AKAP19: variants seen among roughly 807,000 people sequenced by gnomAD.
AKAP19 encodes the protein small A-kinase anchoring protein.
the AKAP19 span, among the ~76,000 whole-genome samples, chr2:190,073,065 G>GA: frequency 6.6e-6 from 1 of 151,972 alleles, no homozygotes; most frequent in Non-Finnish European, 1.5e-5. Flanking sequence ...TTTTTAAAGA[G>GA]AAAAAACACA....
the AKAP19 span, among the ~76,000 whole-genome samples, chr2:189,928,427 A>G: frequency 6.6e-6 from 1 of 152,160 alleles, no homozygotes; most frequent in African/African-American, 2.4e-5. Context: ...ACTTGATGAC[A>G]TAGACATCAT....
chr2:190,015,452 G>A, the AKAP19 span, among the ~76,000 whole-genome samples: 1 of 152,190 alleles, frequency 6.6e-6, no homozygotes, highest in Non-Finnish European at 1.5e-5. Context: ...GCTGCACAGA[G>A]CAGCAGCAAA....
chr2:189,939,123 A>C, the AKAP19 span, among the ~76,000 whole-genome samples: 11 of 152,312 alleles, frequency 7.2e-5, no homozygotes, highest in African/African-American at 2.6e-4. Flanking sequence ...CCAGAGACAA[A>C]GCAGGGAGGT....
chr2:189,985,398 C>T, the AKAP19 span, among the ~76,000 whole-genome samples: 1 of 152,168 alleles, frequency 6.6e-6, no homozygotes, highest in East Asian at 1.9e-4. Flanking sequence ...GGCACATAAC[C>T]TCCTCATAAG....
chr2:190,172,784 T>G, the AKAP19 span, among the ~76,000 whole-genome samples: 63 of 152,296 alleles, frequency 4.1e-4, no homozygotes, highest in East Asian at 9.1e-3. Flanking sequence ...AAAACAGAAA[T>G]TATACATACC....
the AKAP19 span, among the ~76,000 whole-genome samples, chr2:190,006,826 G>A: frequency 1.3e-5 from 2 of 151,978 alleles, no homozygotes; most frequent in African/African-American, 4.8e-5. Flanking sequence ...AGACTATCCT[G>A]GCTAACACAG....
At chr2:190,153,473 C>T in the AKAP19 span, among the ~76,000 whole-genome samples, 1 of 152,056 alleles carries the variant, frequency 6.6e-6, no homozygotes, top group African/African-American at 2.4e-5. Flanking sequence ...TTGTCTAGTT[C>T]CAGACTTTAG....
At chr2:190,128,297 C>T in the AKAP19 span, among the ~76,000 whole-genome samples, 1 of 152,120 alleles carries the variant, frequency 6.6e-6, no homozygotes, top group African/African-American at 2.4e-5. Context: ...ATCTAAAGAA[C>T]CTAAAAATGC....
At chr2:190,180,426 A>G in the AKAP19 span, 12 of 970,964 alleles carry the variant, frequency 1.2e-5, no homozygotes, top group Non-Finnish European at 1.5e-5. This position sits in a 1 kb window ranked among gnomAD's most constrained non-coding sequence, Gnocchi z 6.8. Flanking sequence ...GAGAGTTCGC[A>G]GCCCAGGGGG....
chr2:190,098,696 TC>T, the AKAP19 span, among the ~76,000 whole-genome samples: 3 of 152,218 alleles, frequency 2.0e-5, no homozygotes, highest in Admixed American at 6.5e-5. Context: ...CATCGACTTC[TC>T]CTCTCTAGCT....
the AKAP19 span, among the ~76,000 whole-genome samples, chr2:190,032,775 G>A: frequency 6.6e-6 from 1 of 151,564 alleles, no homozygotes; most frequent in Non-Finnish European, 1.5e-5. Context: ...AATCAAATTA[G>A]ATAAAACATT....
At chr2:190,068,470 C>T in the AKAP19 span, among the ~76,000 whole-genome samples, 1 of 152,104 alleles carries the variant, frequency 6.6e-6, no homozygotes, top group Non-Finnish European at 1.5e-5. Context: ...GCTGGGATTA[C>T]AGGTGTGTGC....
chr2:190,006,158 C>A, the AKAP19 span, among the ~76,000 whole-genome samples: 1 of 152,140 alleles, frequency 6.6e-6, no homozygotes, highest in African/African-American at 2.4e-5. Context: ...AGTAATTGAT[C>A]TGTGAAAAGT....
the AKAP19 span, chr2:190,199,652 T>A: frequency 1.6e-6 from 2 of 1,285,784 alleles, no homozygotes; most frequent in African/African-American, 1.5e-5. Context: ...CATACACTAT[T>A]TTGCATTCTG....
chr2:189,976,605 T>C, the AKAP19 span, among the ~76,000 whole-genome samples: 1 of 152,252 alleles, frequency 6.6e-6, no homozygotes, highest in African/African-American at 2.4e-5. Context: ...CAGGCCTCCT[T>C]GAGCTGCGGT....
chr2:190,107,500 T>A, the AKAP19 span, among the ~76,000 whole-genome samples: 4 of 152,218 alleles, frequency 2.6e-5, no homozygotes, highest in Non-Finnish European at 5.9e-5. Context: ...TAAATGATTT[T>A]CATTTTAGTT....
the AKAP19 span, among the ~76,000 whole-genome samples, chr2:190,088,287 G>C: frequency 6.6e-6 from 1 of 152,036 alleles, no homozygotes; most frequent in African/African-American, 2.4e-5. Context: ...AGTATTGATT[G>C]GTAGAAGAAA....
chr2:189,942,510 C>A, the AKAP19 span, among the ~76,000 whole-genome samples: 1 of 152,074 alleles, frequency 6.6e-6, no homozygotes, highest in Non-Finnish European at 1.5e-5. Context: ...AGAAGTGGGG[C>A]TTTACTATAA....
chr2:190,196,145 C>A, the AKAP19 span, among the ~76,000 whole-genome samples: 11 of 151,998 alleles, frequency 7.2e-5, no homozygotes, highest in African/African-American at 2.7e-4. Context: ...CCCTCCCCAA[C>A]CCCCAATGTT....
Sources: allele counts gnomAD v4.1 joint callset (sites outside exome capture counted in the v4.1 genomes callset), GRCh38; gene constraint gnomAD v4.1.1; non-coding constraint Gnocchi (gnomAD v3.1); transcripts MANE v1.5; gene names NCBI Gene and HGNC (gene_info 2026-07-23, HGNC 2026-07-21).